The following MAPKAP1 variants were observed in gnomAD, a reference collection of about 807,000 sequenced individuals.
The protein encoded by MAPKAP1 is MAPK associated protein 1, also known as target of rapamycin complex 2 subunit MAPKAP1.
MAPKAP1 carries 20 observed loss-of-function variants against 65.7 expected under a neutral mutation model. The observed-to-expected ratio is 0.30, with a 90% CI of 0.21 to 0.44. The LOEUF (loss-of-function observed/expected upper bound fraction) is 0.44. Ranked by LOEUF, MAPKAP1 falls within the 20% of genes least tolerant of loss-of-function variation. The pLI, the probability that MAPKAP1 is intolerant of heterozygous loss-of-function variation, is 1.00. For synonymous variants in MAPKAP1, 222 were observed against 244.3 expected (o/e 0.91, Z 0.85); for missense variants, 423 against 648.0 (o/e 0.65, Z 3.77).
chr9:125,562,296 G>A (rs1000362438), intron 5 of MAPKAP1, among the ~76,000 whole-genome samples: 2 of 152,198 alleles, frequency 1.3e-5, no homozygotes, highest in African/African-American at 4.8e-5. Context: ...ATTCTCCCCA[G>A]TTCTTAAATA....
chr9:125,662,170 C>T (rs1195686686), intron 3 of MAPKAP1, among the ~76,000 whole-genome samples: 1 of 151,950 alleles, frequency 6.6e-6, no homozygotes, highest in Non-Finnish European at 1.5e-5. Flanking sequence ...TCACTTGAGC[C>T]CAGGAGTTCA....
chr9:125,507,625 C>T (rs1462102621), intron 7 of MAPKAP1, among the ~76,000 whole-genome samples: 1 of 152,172 alleles, frequency 6.6e-6, no homozygotes, highest in Non-Finnish European at 1.5e-5. Flanking sequence ...GATCTTTTCT[C>T]TAACTGGTAT....
chr9:125,577,589 G>T (rs1474886437), intron 5 of MAPKAP1, among the ~76,000 whole-genome samples: 1 of 105,356 alleles, frequency 9.5e-6, no homozygotes, highest in Non-Finnish European at 2.0e-5. Flanking sequence ...CGCCCTGCCA[G>T]CCGCCCCGTC....
At chr9:125,576,024 G>C (rs1831384154) in intron 5 of MAPKAP1, among the ~76,000 whole-genome samples, 1 of 152,178 alleles carries the variant, frequency 6.6e-6, no homozygotes, top group African/African-American at 2.4e-5. Flanking sequence ...TGAGAAATAA[G>C]TGTATCACAC....
chr9:125,578,604 A>G (rs561462790), intron 5 of MAPKAP1, among the ~76,000 whole-genome samples: 161 of 152,334 alleles, frequency 1.1e-3, no homozygotes, highest in African/African-American at 3.8e-3. Flanking sequence ...AAAAGCTCAG[A>G]TTGCTGATGA....
chr9:125,494,352 G>A (rs1284990227), intron 8 of MAPKAP1, among the ~76,000 whole-genome samples: 3 of 152,106 alleles, frequency 2.0e-5, no homozygotes, highest in Non-Finnish European at 4.4e-5. Flanking sequence ...TAAAGCCATC[G>A]GGATCACGCA....
intron 4 of MAPKAP1, among the ~76,000 whole-genome samples, chr9:125,602,252 C>T (rs77051474): frequency 6.6e-6 from 1 of 151,580 alleles, no homozygotes; most frequent in African/African-American, 2.4e-5. Flanking sequence ...GACCTTGTCT[C>T]AAAAAGAAAA....
At chr9:125,532,316 A>G (rs140896824) in intron 7 of MAPKAP1, among the ~76,000 whole-genome samples, 3 of 152,340 alleles carry the variant, frequency 2.0e-5, no homozygotes, top group East Asian at 1.9e-4. Flanking sequence ...CTGGAATACA[A>G]TAAGTATTCA....
Position 125,595,668 on chromosome 9 carries a change from G to T in MAPKAP1, c.499-9941C>A. On this transcript the variant is annotated intron_variant, in intron 4 of 11. Transcript: ENST00000265960. This position sits in a 1 kb window ranked among gnomAD's most constrained non-coding sequence, Gnocchi z 4.0. ...CGTTAAAGTCTCTCTTCTCCCTGCC[G>T]TCCTAAGTCAGAGTCTCCTAAAGAG... is the stretch of plus-strand genomic sequence containing the variant. 6.6e-7 allele frequency: 1 copy of T among 1,517,620 alleles called. No individual in the cohort carries two copies. The highest frequency in any genetic ancestry group is 8.8e-7 in the Non-Finnish European group (1 of 1,138,570). The allele number at this position is 1,517,620 out of a possible 1,614,324, so 94.0% of individuals were successfully genotyped here.
intron 4 of MAPKAP1, among the ~76,000 whole-genome samples, chr9:125,656,232 T>C (rs1387718428): frequency 6.6e-6 from 1 of 152,238 alleles, no homozygotes; most frequent in African/African-American, 2.4e-5. Flanking sequence ...TGTAGTATTT[T>C]TTTTTAAATC....
At chr9:125,668,156 G>A (rs1012175173) in intron 3 of MAPKAP1, among the ~76,000 whole-genome samples, 1 of 152,186 alleles carries the variant, frequency 6.6e-6, no homozygotes, top group African/African-American at 2.4e-5. Context: ...ACCATAGTAT[G>A]AGAAATCAAG....
chr9:125,466,925 TTA>T (rs1853703116), intron 10 of MAPKAP1, among the ~76,000 whole-genome samples: 1 of 152,258 alleles, frequency 6.6e-6, no homozygotes, highest in Non-Finnish European at 1.5e-5. Context: ...TTAGTCAGCG[TTA>T]TCTCAAAAAC....
At chr9:125,693,710 CATATATACACGTATAT>C (rs1439694611) in intron 1 of MAPKAP1, among the ~76,000 whole-genome samples, 4 of 129,996 alleles carry the variant, frequency 3.1e-5, no homozygotes, top group African/African-American at 6.8e-5. Context: ...TATATATACA[CATATATACACGTATAT>C]ACACATATAT....
intron 4 of MAPKAP1, among the ~76,000 whole-genome samples, chr9:125,653,022 T>C (rs539837409): frequency 6.6e-6 from 1 of 152,330 alleles, no homozygotes; most frequent in African/African-American, 2.4e-5. Flanking sequence ...GTCATCCCTT[T>C]ACAAAGAGAA....
intron 7 of MAPKAP1, among the ~76,000 whole-genome samples, chr9:125,519,628 A>AAT: frequency 6.9e-6 from 1 of 144,664 alleles, no homozygotes; most frequent in East Asian, 2.1e-4. Context: ...GACCTTGTCT[A>AAT]ATATATATAC....
At chr9:125,552,385 C>T (rs497531) in intron 6 of MAPKAP1, among the ~76,000 whole-genome samples, 78,418 of 151,976 alleles carry the variant, frequency 0.52, 20,972 homozygotes, top group East Asian at 0.67. Flanking sequence ...CACGTTCCCT[C>T]CACAGAATAA....
At chr9:125,466,702 T>C (rs905640469) in intron 10 of MAPKAP1, among the ~76,000 whole-genome samples, 2 of 152,054 alleles carry the variant, frequency 1.3e-5, no homozygotes, top group Non-Finnish European at 1.5e-5. Context: ...TTTTGCAGGG[T>C]CGGAGGCCTC....
intron 2 of MAPKAP1, among the ~76,000 whole-genome samples, chr9:125,671,355 T>C (rs1016589114): frequency 6.6e-6 from 1 of 152,226 alleles, no homozygotes; most frequent in Non-Finnish European, 1.5e-5. Context: ...TCACAGTAAA[T>C]TGTATCCAGC....
chr9:125,521,623 G>C, intron 7 of MAPKAP1: 2 of 1,518,434 alleles, frequency 1.3e-6, no homozygotes, highest in South Asian at 2.7e-5. Flanking sequence ...GGAACAGACA[G>C]TAAATCCAGA....
Sources: allele counts gnomAD v4.1 joint callset (sites outside exome capture counted in the v4.1 genomes callset), GRCh38; gene constraint gnomAD v4.1.1; non-coding constraint Gnocchi (gnomAD v3.1); transcripts MANE v1.5; gene names NCBI Gene and HGNC (gene_info 2026-07-23, HGNC 2026-07-21).